Variants in GTF3C1 observed in about 807,000 individuals in gnomAD.
GTF3C1 encodes general transcription factor 3C polypeptide 1.
GTF3C1 carries 57 observed loss-of-function variants against 226.7 expected under a neutral mutation model. That is an observed-to-expected ratio of 0.25 (90% CI 0.20 to 0.31). GTF3C1 has a LOEUF of 0.31. Among genes scored for constraint, GTF3C1 ranks in the 10% least tolerant of loss-of-function variants. The pLI is 1.00. For synonymous variants in GTF3C1, 1,090 were observed against 1,084.8 expected (o/e 1.00, Z -0.09); for missense variants, 2,217 against 2,776.1 (o/e 0.80, Z 4.53).
intron 5 of GTF3C1, among the ~76,000 whole-genome samples, chr16:27,531,161 A>G (rs909597331): frequency 2.0e-5 from 3 of 151,222 alleles, no homozygotes; most frequent in Non-Finnish European, 4.4e-5. Flanking sequence ...TCATTTCTAC[A>G]CGGCCAGCAG....
In GTF3C1 at chr16:27,495,436, C is replaced by A. The variant is rs1356540137; in HGVS notation, c.2407G>T (p.Val803Phe). 2.5e-6 allele frequency: 4 copies of A among 1,613,886 alleles called. No individual in the cohort carries two copies. In the Admixed American group the frequency reaches 5.0e-5, roughly 20 times the overall value. ...FLPKMPRLRV[V>F]HMFLWYLIYG... ...ATGAGGTACCACAGAAACATGTGGA[C>A]CACCCGCAGGCGAGGCATTTTGGGC... The change falls in exon 15 of 37, where the codon GTC becomes TTC. Residue 803 changes from valine to phenylalanine, a missense_variant. Physicochemically the swap from Val to Phe is conservative, Grantham distance 50. Around this residue, in one of 12 missense-constraint regions of GTF3C1, gnomAD observed 353 missense variants for 411.7 expected, o/e 0.86. Transcript: ENST00000356183.
At position 27,495,478 on chromosome 16, in the gene GTF3C1, G is replaced by T; in HGVS notation, c.2365C>A (p.Arg789Ser). 1 of 1,613,130 alleles carries T rather than the reference G, an allele frequency of 6.2e-7. No individual in the cohort carries two copies. The change falls in exon 15 of 37, where the codon CGT becomes AGT. Residue 789 changes from arginine (R) to serine (S), a missense_variant. Physicochemically the swap from Arg to Ser is moderately radical, Grantham distance 110. Coordinates refer to ENST00000356183, the MANE Select transcript of GTF3C1 (RefSeq NM_001520.4). ...ATTTTGGGCAGAAATCCTAGAGAAC[G>T]CCCCAGTCCGGGAACTAAAGCAAGA... is the stretch of plus-strand genomic sequence containing the variant. The part of the protein sequence containing the change: ...YHPIVVPGLG[R>S]SLGFLPKMPR...
rs1319554185 is a variant in GTF3C1, at chr16:27,508,588, T to C, written c.1194A>G (p.Leu398=). 1 of 1,614,210 alleles carries C rather than the reference T, an allele frequency of 6.2e-7. No homozygotes were observed. The highest frequency in any genetic ancestry group is 1.1e-5 in the South Asian group (1 of 91,086). The change falls in exon 8 of 37, where the codon CTA becomes CTG. Residue 398 remains leucine, a synonymous_variant. Coordinates refer to ENST00000356183, the MANE Select transcript of GTF3C1 (RefSeq NM_001520.4). Reference sequence around the variant, plus strand: ...GAAGTCGGCACAGCATTCTTGCTTCTAGTTTTCCCACATTCATAGCCACTC... The same window carrying C: ...GAAGTCGGCACAGCATTCTTGCTTCCAGTTTTCCCACATTCATAGCCACTC... The part of the protein sequence containing the change: ...EIRVAMNVGK[L]EARMLCRLLQ...
chr16:27,493,335 C>T, intron 16 of GTF3C1, 39 bp from the exon 17 acceptor site: 1 of 972,328 alleles, frequency 1.0e-6, no homozygotes, highest in South Asian at 1.3e-5. Context: ...GCCCTGAGGG[C>T]CAGGGCGACC....
intron 24 of GTF3C1, among the ~76,000 whole-genome samples, chr16:27,484,628 G>C (rs894219211): frequency 6.6e-6 from 1 of 152,240 alleles, no homozygotes; most frequent in African/African-American, 2.4e-5. Context: ...AACGGGGCGG[G>C]GGGGAACTGC....
chr16:27,469,433 G>A lies in GTF3C1; in HGVS notation c.4932C>T (p.Asn1644=). The change falls in exon 32 of 37, where the codon AAC becomes AAT. Residue 1644 remains asparagine, a synonymous_variant. Coordinates refer to ENST00000356183, the MANE Select transcript of GTF3C1 (RefSeq NM_001520.4). This position sits in a 1 kb window ranked among gnomAD's most constrained non-coding sequence, Gnocchi z 4.5. ...EVKPAQASHT[N]YLLMRGYYSP... ...AGTAGTAGCCCCTCATCAGCAGGTAGTTGGTGTGGGAGGCTTGCGCAGGTT... is the reference window on the plus strand; with the variant it reads ...AGTAGTAGCCCCTCATCAGCAGGTAATTGGTGTGGGAGGCTTGCGCAGGTT... 1.2e-6 allele frequency: 2 copies of A among 1,614,196 alleles called. No homozygotes were observed. Among genetic ancestry groups the A allele is most frequent in the Non-Finnish European group, 1.7e-6 (2 of 1,180,012 alleles).
chr16:27,461,293 C>T lies in GTF3C1; in HGVS notation c.*57G>A. On this transcript the variant is annotated 3_prime_UTR_variant, in exon 37 of 37. Transcript: ENST00000356183. This position sits in a 1 kb window ranked among gnomAD's most constrained non-coding sequence, Gnocchi z 5.3. Reference sequence around the variant, plus strand: ...GGGCACAGTGGGGTCTGCCGAGCACCAGGCAGGAGTGGTGTGGCAGGCGGT... The same window carrying T: ...GGGCACAGTGGGGTCTGCCGAGCACTAGGCAGGAGTGGTGTGGCAGGCGGT... 1.7e-6 allele frequency: 2 copies of T among 1,161,460 alleles called. No homozygotes were observed. Among genetic ancestry groups the T allele is most frequent in the Non-Finnish European group, 2.5e-6 (2 of 793,096 alleles). The allele number at this position is 1,161,460 out of a possible 1,614,324, so 71.9% of individuals were successfully genotyped here.
chr16:27,549,663 C>CCCCCCCG lies in GTF3C1; in HGVS notation c.221+6_221+7insCGGGGGG. 4 of 1,512,408 alleles carry CCCCCCCG rather than the reference C, an allele frequency of 2.6e-6. No individual in the cohort carries two copies. Among genetic ancestry groups the CCCCCCCG allele is most frequent in the Non-Finnish European group, 3.6e-6 (4 of 1,117,316 alleles). The allele number at this position is 1,512,408 out of a possible 1,614,324, so 93.7% of individuals were successfully genotyped here. A position where few individuals can be genotyped will look rare whatever the true frequency, so the allele number is the denominator to read the frequency against. ...CGCCCGCCCGCCAGGCCAGGCCGCC[C>CCCCCCCG]GCTGACCGGTCCTGGAGCTGTAGGT... On this transcript the variant is annotated splice_region_variant and intron_variant, in intron 1 of 36. Coordinates refer to ENST00000356183, the MANE Select transcript of GTF3C1 (RefSeq NM_001520.4).
At chr16:27,483,023 C>T in intron 26 of GTF3C1, 21 bp downstream of exon 26, 2 of 1,608,596 alleles carry the variant, frequency 1.2e-6, no homozygotes, top group Non-Finnish European at 1.7e-6. Context: ...ATACCAAGCC[C>T]TACACTCACA....
intron 26 of GTF3C1, chr16:27,482,514 T>C (rs1470165160): frequency 1.1e-5 from 5 of 455,998 alleles, no homozygotes; most frequent in Admixed American, 7.0e-5. Flanking sequence ...CACTCGCCTG[T>C]GGCCTCCTTG....
chr16:27,491,750 AC>A (rs1251458481), intron 19 of GTF3C1, among the ~76,000 whole-genome samples: 1 of 151,932 alleles, frequency 6.6e-6, no homozygotes, highest in Non-Finnish European at 1.5e-5. Flanking sequence ...CTCTCCTCCT[AC>A]CCACATGGCC....
chr16:27,533,188 G>C, intron 5 of GTF3C1, 103 bp downstream of exon 5: 1 of 630,470 alleles, frequency 1.6e-6, no homozygotes. Flanking sequence ...ATCAAATCCA[G>C]AATAGGGCTT....
rs374774829 is a variant in GTF3C1 at position 27,476,434 on chromosome 16, G to A, written c.4353+17C>T. 2.6e-5 allele frequency: 40 copies of A among 1,535,612 alleles called. No individual in the cohort carries two copies. The highest frequency in any genetic ancestry group is 2.6e-4 in the South Asian group (23 of 89,364). On this transcript the variant is annotated intron_variant, in intron 29 of 36. Transcript: ENST00000356183. The stretch of plus-strand genomic sequence containing the variant: ...GGGCCCACATCCCCGCTGTGCTGCC[G>A]GGCAGCCGACACCCACCTGGAATGA...
chr16:27,467,000 T>C (rs970452984), intron 32 of GTF3C1, among the ~76,000 whole-genome samples: 1 of 152,190 alleles, frequency 6.6e-6, no homozygotes, highest in Non-Finnish European at 1.5e-5. Context: ...AAGTAAAAGG[T>C]GAAGCACCAA....
intron 7 of GTF3C1, among the ~76,000 whole-genome samples, chr16:27,511,527 G>A (rs2088570196): frequency 6.6e-6 from 1 of 152,214 alleles, no homozygotes; most frequent in African/African-American, 2.4e-5. Flanking sequence ...TACAGATGAG[G>A]AAATGGGACT....
At chr16:27,536,796 A>T (rs1389815084) in intron 4 of GTF3C1, among the ~76,000 whole-genome samples, 3 of 152,118 alleles carry the variant, frequency 2.0e-5, no homozygotes, top group Admixed American at 2.0e-4. Context: ...TGCTCTTCCC[A>T]GGCCCTGCAC....
At chr16:27,488,787 T>G in intron 21 of GTF3C1, 152 bp from the exon 22 acceptor site, 1 of 700,218 alleles carries the variant, frequency 1.4e-6, no homozygotes, top group Non-Finnish European at 2.4e-6. Flanking sequence ...CGCTTTACCA[T>G]TGCTCATGCA....
intron 2 of GTF3C1, among the ~76,000 whole-genome samples, chr16:27,542,322 A>G (rs1021363959): frequency 6.6e-6 from 1 of 152,190 alleles, no homozygotes; most frequent in Non-Finnish European, 1.5e-5. Context: ...GCAGTTTGGG[A>G]GGCCAAGGTA....
At chr16:27,528,523 G>C in intron 6 of GTF3C1, 75 bp downstream of exon 6, 3 of 1,143,382 alleles carry the variant, frequency 2.6e-6, no homozygotes, top group South Asian at 2.6e-5. Context: ...TGATCAGAGA[G>C]AGAGAGGCTG....
Sources: gnomAD v4.1 joint callset for allele counts (sites outside exome capture counted in the v4.1 genomes callset) on GRCh38, gnomAD v4.1.1 for gene constraint, gnomAD v4.1.1 regional missense constraint, Gnocchi (gnomAD v3.1) non-coding constraint, MANE v1.5 for transcripts, NCBI Gene and HGNC (gene_info 2026-07-23, HGNC 2026-07-21) for gene names.